Variants in LDLRAD3 observed in about 807,000 individuals in gnomAD.
LDLRAD3 encodes low density lipoprotein receptor class A domain containing 3, also known as low-density lipoprotein receptor class A domain-containing protein 3.
A neutral mutation model predicts 29.4 loss-of-function variants in LDLRAD3; 20 were observed. The observed-to-expected ratio is 0.68, with a 90% CI of 0.48 to 0.99. The LOEUF (loss-of-function observed/expected upper bound fraction) is 0.99. LDLRAD3 is among the 50% of genes least tolerant of loss of function. LDLRAD3 has a pLI of 0.00. For missense variants in LDLRAD3, 420 were observed against 454.3 expected, an observed-to-expected ratio of 0.92 and a Z score of 0.69; for synonymous variants, 157 against 192.7, an observed-to-expected ratio of 0.81 and a Z score of 1.53.
intron 4 of LDLRAD3, among the ~76,000 whole-genome samples, chr11:36,192,954 G>A (rs1398267072): frequency 1.3e-5 from 2 of 152,188 alleles, no homozygotes; most frequent in African/African-American, 4.8e-5. Flanking sequence ...CTCAGAGGAA[G>A]TTACTTCACT....
intron 4 of LDLRAD3, 127 bp downstream of exon 4, chr11:36,098,588 A>T: frequency 9.4e-7 from 1 of 1,065,538 alleles, no homozygotes; most frequent in Non-Finnish European, 1.4e-6. Flanking sequence ...TTTTGCACTC[A>T]GCCTTGCAGC....
chr11:35,944,430 C>T lies in LDLRAD3; in HGVS notation c.46+286C>T, dbSNP rs1160823579. Among the ~76,000 whole-genome samples the T allele has an allele frequency of 6.6e-6, 1 of 151,996 alleles. No homozygotes were observed. The highest frequency in any genetic ancestry group is 1.5e-5 in the Non-Finnish European group (1 of 67,976). On this transcript the variant is annotated intron_variant, in intron 1 of 5. Transcript: ENST00000315571. This position sits in a 1 kb window ranked among gnomAD's most constrained non-coding sequence, Gnocchi z 4.9. ...GGTCTGGGGAGCCCGGCGGCTGCCC[C>T]GATTGGGCGTAGCTCGAGTGTGGCT... is the stretch of plus-strand genomic sequence containing the variant.
intron 4 of LDLRAD3, among the ~76,000 whole-genome samples, chr11:36,127,043 T>C (rs910407774): frequency 6.6e-6 from 1 of 152,192 alleles, no homozygotes; most frequent in Non-Finnish European, 1.5e-5. Flanking sequence ...CATTTTTCAG[T>C]TTTTTACACT....
chr11:36,172,341 G>T (rs1854609592), intron 4 of LDLRAD3, among the ~76,000 whole-genome samples: 1 of 151,596 alleles, frequency 6.6e-6, no homozygotes, highest in African/African-American at 2.4e-5. Context: ...TTGTTTGATT[G>T]CTCTGGCTAG....
intron 1 of LDLRAD3, among the ~76,000 whole-genome samples, chr11:35,989,962 A>G (rs1043497748): frequency 1.3e-5 from 2 of 151,786 alleles, no homozygotes; most frequent in Admixed American, 1.3e-4. Flanking sequence ...TAGGAAAACC[A>G]CTCTACAGAC....
At chr11:36,046,661 G>A (rs570931141) in intron 2 of LDLRAD3, among the ~76,000 whole-genome samples, 3 of 152,262 alleles carry the variant, frequency 2.0e-5, no homozygotes, top group East Asian at 3.9e-4. Flanking sequence ...TGTTCAACCT[G>A]CTACACTGGG....
intron 1 of LDLRAD3, among the ~76,000 whole-genome samples, chr11:35,961,753 A>G (rs1851280556): frequency 6.6e-6 from 1 of 152,212 alleles, no homozygotes; most frequent in African/African-American, 2.4e-5. Flanking sequence ...TTTTTTTAAA[A>G]TTTAAAATTT....
intron 2 of LDLRAD3, among the ~76,000 whole-genome samples, chr11:36,051,239 G>C (rs912105237): frequency 6.6e-6 from 1 of 152,210 alleles, no homozygotes; most frequent in Non-Finnish European, 1.5e-5. Flanking sequence ...GAGAGGAAAG[G>C]TTTCAGGGGC....
At chr11:36,219,306 T>C (rs972710293) in intron 4 of LDLRAD3, among the ~76,000 whole-genome samples, 9 of 152,038 alleles carry the variant, frequency 5.9e-5, no homozygotes, top group Non-Finnish European at 1.2e-4. Context: ...TCTATATTAT[T>C]TTTTTTTAAA....
intron 4 of LDLRAD3, among the ~76,000 whole-genome samples, chr11:36,105,155 C>A (rs912645940): frequency 6.6e-6 from 1 of 151,566 alleles, no homozygotes; most frequent in Non-Finnish European, 1.5e-5. Flanking sequence ...AGATTTGGCA[C>A]CTCACTGGAA....
chr11:36,107,719 A>G (rs1853548994), intron 4 of LDLRAD3, among the ~76,000 whole-genome samples: 1 of 152,152 alleles, frequency 6.6e-6, no homozygotes, highest in Non-Finnish European at 1.5e-5. Flanking sequence ...TGTACCATAT[A>G]ACCTAGGTGT....
In LDLRAD3 at chr11:36,081,777, C is replaced by T; in HGVS notation, c.318C>T (p.Cys106=). The change falls in exon 3 of 6, where the codon TGC becomes TGT. Residue 106 remains cysteine (C), a splice_region_variant and synonymous_variant. Transcript: ENST00000315571. ...DCPDGSDEEN[C]TANPLLCSTA... ...CCGATGGCAGCGATGAAGAGAACTG[C>T]AGTAAGTGCTGCGCACTTGAACACT... The T allele has an allele frequency of 6.2e-7, 1 of 1,614,226 alleles. No homozygotes were observed. Among genetic ancestry groups the T allele is most frequent in the Non-Finnish European group, 8.5e-7 (1 of 1,180,024 alleles).
intron 1 of LDLRAD3, among the ~76,000 whole-genome samples, chr11:36,000,860 G>A (rs569134011): frequency 6.6e-6 from 1 of 152,270 alleles, no homozygotes; most frequent in South Asian, 2.1e-4. Flanking sequence ...GGTTCCAGCA[G>A]AGTGGGTTGA....
At chr11:36,142,606 G>A (rs546628116) in intron 4 of LDLRAD3, among the ~76,000 whole-genome samples, 13 of 152,236 alleles carry the variant, frequency 8.5e-5, no homozygotes, top group African/African-American at 3.1e-4. Context: ...CCTGCACTTA[G>A]TCTTAAGCAC....
intron 4 of LDLRAD3, among the ~76,000 whole-genome samples, chr11:36,204,025 A>AC (rs1328164813): frequency 2.0e-5 from 3 of 151,596 alleles, no homozygotes; most frequent in Non-Finnish European, 4.4e-5. Flanking sequence ...AAAAAAAAAA[A>AC]AATCCATCAC....
rs1241449962 is a variant in LDLRAD3 at position 35,944,359 on chromosome 11, G to A, written c.46+215G>A. ...TCCTATTGTGTGGGCGTGCGCGCCG[G>A]GTCGTGTTGTGCTGTGTGCGCGGGC... is the stretch of plus-strand genomic sequence containing the variant. On this transcript the variant is annotated intron_variant, in intron 1 of 5. Transcript: ENST00000315571. The surrounding 1 kb of genome is among the most constrained non-coding windows in gnomAD (Gnocchi z 4.9). Among the ~76,000 whole-genome samples, 1 of 152,002 alleles carries A rather than the reference G, an allele frequency of 6.6e-6. No homozygotes were observed. Among genetic ancestry groups the A allele is most frequent in the Non-Finnish European group, 1.5e-5 (1 of 67,946 alleles).
intron 1 of LDLRAD3, among the ~76,000 whole-genome samples, chr11:36,022,135 C>T (rs551382998): frequency 1.3e-5 from 2 of 152,318 alleles, no homozygotes; most frequent in East Asian, 3.9e-4. Context: ...CAGTTCCCTT[C>T]TGTTCTTTCA....
intron 1 of LDLRAD3, among the ~76,000 whole-genome samples, chr11:35,961,209 C>T (rs1201345786): frequency 1.3e-5 from 2 of 152,206 alleles, no homozygotes; most frequent in Admixed American, 1.3e-4. Context: ...CTCCTCCTCC[C>T]TGGAGGGTGT....
At chr11:36,085,359 T>C (rs946641918) in intron 3 of LDLRAD3, among the ~76,000 whole-genome samples, 11 of 151,814 alleles carry the variant, frequency 7.2e-5, no homozygotes, top group African/African-American at 2.7e-4. Context: ...TTTTTTTTTT[T>C]TTGTCTTTAG....
Sources: gnomAD v4.1 joint callset for allele counts (sites outside exome capture counted in the v4.1 genomes callset) on GRCh38, gnomAD v4.1.1 for gene constraint, Gnocchi (gnomAD v3.1) non-coding constraint, MANE v1.5 for transcripts, NCBI Gene and HGNC (gene_info 2026-07-23, HGNC 2026-07-21) for gene names.